Variants in FRMD3 observed in about 807,000 individuals in gnomAD.
The protein encoded by FRMD3 is FERM domain-containing protein 3.
Under a neutral mutation model 70.2 loss-of-function variants are expected in FRMD3, and 33 were observed. The ratio of observed to expected loss-of-function variants is 0.47; its 90% CI spans 0.36 to 0.63. The LOEUF (loss-of-function observed/expected upper bound fraction) is 0.63, where lower values mean the gene tolerates loss of function less well. Ranked by LOEUF, FRMD3 falls within the 20% of genes least tolerant of loss-of-function variation. FRMD3 has a pLI of 0.00. For synonymous variants in FRMD3, 279 were observed against 255.9 expected (o/e 1.09, Z -0.86); for missense variants, 632 against 711.4 (o/e 0.89, Z 1.27).
At chr9:83,399,258 C>T (rs1004563003) in intron 1 of FRMD3, among the ~76,000 whole-genome samples, 2 of 152,146 alleles carry the variant, frequency 1.3e-5, no homozygotes, top group Non-Finnish European at 2.9e-5. Flanking sequence ...GAGTTAGTAA[C>T]GTTTGCCTCT....
At chr9:83,290,164 G>A (rs1834363824) in intron 13 of FRMD3, among the ~76,000 whole-genome samples, 1 of 152,210 alleles carries the variant, frequency 6.6e-6, no homozygotes, top group African/African-American at 2.4e-5. Flanking sequence ...AGAAGTTTCA[G>A]TGATAGAGGA....
At chr9:83,507,064 T>G (rs1033276323) in intron 1 of FRMD3, among the ~76,000 whole-genome samples, 1 of 152,158 alleles carries the variant, frequency 6.6e-6, no homozygotes, top group African/African-American at 2.4e-5. Flanking sequence ...TCATCTCCTA[T>G]GATAACAATA....
At chr9:83,336,364 C>G (rs900233503) in intron 5 of FRMD3, among the ~76,000 whole-genome samples, 1 of 151,274 alleles carries the variant, frequency 6.6e-6, no homozygotes, top group Non-Finnish European at 1.5e-5. Flanking sequence ...GCCCCCGCCC[C>G]AGTATTTCCA....
the FRMD3 span, among the ~76,000 whole-genome samples, chr9:83,579,035 CA>C: frequency 6.6e-6 from 1 of 151,184 alleles, no homozygotes; most frequent in South Asian, 2.1e-4. Flanking sequence ...ACAAACTATT[CA>C]AAAAGGAAAC....
chr9:83,414,316 C>A (rs1419868537), intron 1 of FRMD3, among the ~76,000 whole-genome samples: 2 of 152,020 alleles, frequency 1.3e-5, no homozygotes, highest in Admixed American at 1.3e-4. Flanking sequence ...TTCAATCAAG[C>A]TGTTTTTAAA....
intron 1 of FRMD3, among the ~76,000 whole-genome samples, chr9:83,480,588 C>T (rs1259822130): frequency 6.6e-6 from 1 of 151,514 alleles, no homozygotes; most frequent in African/African-American, 2.4e-5. Flanking sequence ...CTCCATCTCC[C>T]GGGTTCAAGT....
intron 1 of FRMD3, among the ~76,000 whole-genome samples, chr9:83,394,179 G>A (rs1825750230): frequency 6.6e-6 from 1 of 151,888 alleles, no homozygotes; most frequent in East Asian, 1.9e-4. Flanking sequence ...AGTGTGCGTT[G>A]GATTGCTGAA....
chr9:83,248,351 A>G lies in FRMD3; in HGVS notation c.1361T>C (p.Leu454Pro). The G allele has an allele frequency of 6.2e-7, 1 of 1,614,106 alleles. No homozygotes were observed. Among genetic ancestry groups the G allele is most frequent in the South Asian group, 1.1e-5 (1 of 91,078 alleles). ...ELVYNPSASL[L>P]PTPVDDDEID... ...CTCATCGTCATCCACAGGGGTGGGG[A>G]GCAGGCTGGCACTTGGGTTGTACAC... Residue 454 changes from leucine to proline, a missense_variant, in exon 14 of 14, where the codon CTC becomes CCC. Physicochemically the swap from Leu to Pro is moderately conservative, Grantham distance 98. Coordinates refer to ENST00000304195, the MANE Select transcript of FRMD3 (RefSeq NM_174938.6).
chr9:83,320,308 A>T (rs1420768183), intron 6 of FRMD3, among the ~76,000 whole-genome samples: 2 of 152,188 alleles, frequency 1.3e-5, no homozygotes, highest in East Asian at 3.9e-4. Flanking sequence ...TATTGCCTTG[A>T]CTATATTAAG....
At chr9:83,347,449 T>A (rs1221240699) in intron 4 of FRMD3, among the ~76,000 whole-genome samples, 3 of 152,208 alleles carry the variant, frequency 2.0e-5, no homozygotes, top group Admixed American at 6.5e-5. Flanking sequence ...GATTGGAAGA[T>A]GCTACTTCTA....
intron 1 of FRMD3, among the ~76,000 whole-genome samples, chr9:83,423,107 T>C (rs748106336): frequency 6.6e-6 from 1 of 152,232 alleles, no homozygotes; most frequent in African/African-American, 2.4e-5. Flanking sequence ...TTTGAAGATA[T>C]ATACATTATA....
At chr9:83,436,287 C>T (rs954296641) in intron 1 of FRMD3, among the ~76,000 whole-genome samples, 10 of 152,144 alleles carry the variant, frequency 6.6e-5, no homozygotes, top group African/African-American at 2.4e-4. Context: ...AGGGTCAAAT[C>T]ATAGCTCCTG....
Position 83,383,078 on chromosome 9 carries a change from C to T in FRMD3, c.252+6526G>A, listed in dbSNP as rs897927689. Among the ~76,000 whole-genome samples, 4 of 152,322 alleles carry T rather than the reference C, an allele frequency of 2.6e-5. No homozygotes were observed. The East Asian group carries it at 5.8e-4, about 22-fold the overall frequency. On this transcript the variant is annotated intron_variant, in intron 2 of 13. Coordinates refer to ENST00000304195, the MANE Select transcript of FRMD3 (RefSeq NM_174938.6). ...TGCTGGAGAGGTCATCTGGAAAGGG[C>T]CTGAAACTACATCAGAGGGAGAGGA...
At chr9:83,348,024 A>C (rs1824018173) in intron 4 of FRMD3, among the ~76,000 whole-genome samples, 1 of 152,180 alleles carries the variant, frequency 6.6e-6, no homozygotes. Flanking sequence ...TATTAACTGA[A>C]ATGCTGTACT....
chr9:83,479,775 G>GAAAAGAAA (rs1564097150), intron 1 of FRMD3, among the ~76,000 whole-genome samples: 2 of 50,628 alleles, frequency 4.0e-5, no homozygotes, highest in African/African-American at 2.6e-4. Flanking sequence ...GGGAGGGAGG[G>GAAAAGAAA]AGGGAGGGAG....
chr9:83,551,519 T>C, the FRMD3 span, among the ~76,000 whole-genome samples: 3 of 152,184 alleles, frequency 2.0e-5, no homozygotes, highest in African/African-American at 7.2e-5. Flanking sequence ...TCCCTCCTCC[T>C]CAATTTTTTG....
At chr9:83,376,052 C>T (rs1313260122) in intron 2 of FRMD3, among the ~76,000 whole-genome samples, 6 of 151,344 alleles carry the variant, frequency 4.0e-5, no homozygotes, top group South Asian at 2.1e-4. Flanking sequence ...CCCAGCTTCT[C>T]GGGAGGCTGA....
chr9:83,309,340 T>C (rs1411606078), intron 10 of FRMD3, among the ~76,000 whole-genome samples, 196 bp downstream of exon 10: 4 of 150,488 alleles, frequency 2.7e-5, no homozygotes, highest in African/African-American at 9.8e-5. Flanking sequence ...ACATCCAACA[T>C]AGAGCTCAGA....
chr9:83,407,855 C>CA (rs1564062598), intron 1 of FRMD3, among the ~76,000 whole-genome samples: 4 of 129,592 alleles, frequency 3.1e-5, no homozygotes, highest in African/African-American at 1.6e-4. Context: ...CTCTCTCTCT[C>CA]TCTCTCTCTC....
Sources: gnomAD v4.1 joint callset for allele counts (sites outside exome capture counted in the v4.1 genomes callset) on GRCh38, gnomAD v4.1.1 for gene constraint, MANE v1.5 for transcripts, NCBI Gene and HGNC (gene_info 2026-07-23, HGNC 2026-07-21) for gene names.